Variants in SLC9A9 observed in about 807,000 individuals in gnomAD.
SLC9A9 encodes solute carrier family 9 member A9.
A neutral mutation model predicts 77.8 loss-of-function variants in SLC9A9; 62 were observed. The observed-to-expected ratio is 0.80, with a 90% confidence interval of 0.65 to 0.98. SLC9A9 has a LOEUF of 0.98. Ranked by LOEUF, SLC9A9 falls within the 50% of genes least tolerant of loss-of-function variation. SLC9A9 has a pLI of 0.00. For synonymous variants in SLC9A9, 320 were observed against 283.5 expected, an observed-to-expected ratio of 1.13 and a Z score of -1.29; for missense variants, 775 against 774.9, an observed-to-expected ratio of 1.00 and a Z score of 0.00.
intron 12 of SLC9A9, among the ~76,000 whole-genome samples, chr3:143,399,613 C>A (rs989175676): frequency 6.6e-6 from 1 of 152,086 alleles, no homozygotes; most frequent in African/African-American, 2.4e-5. Context: ...ATGAAGACTA[C>A]GGAAAGTGCA....
intron 12 of SLC9A9, among the ~76,000 whole-genome samples, chr3:143,429,766 G>A (rs879268877): frequency 9.2e-5 from 14 of 151,962 alleles, no homozygotes; most frequent in Non-Finnish European, 1.6e-4. Flanking sequence ...TCCTCAGAGC[G>A]TGTGTAGGAT....
At chr3:143,672,323 A>C (rs913161678) in intron 5 of SLC9A9, among the ~76,000 whole-genome samples, 3 of 152,216 alleles carry the variant, frequency 2.0e-5, no homozygotes, top group Admixed American at 6.5e-5. Flanking sequence ...GAGGGCCAGA[A>C]GGTGAAAAAG....
chr3:143,848,135 T>C lies in SLC9A9; in HGVS notation c.175+13A>G, dbSNP rs1190983205. The C allele has an allele frequency of 6.2e-7, 1 of 1,610,838 alleles. No homozygotes were observed. Among genetic ancestry groups the C allele is most frequent in the Admixed American group, 1.7e-5 (1 of 59,996 alleles). On this transcript the variant is annotated intron_variant, in intron 1 of 15. Coordinates refer to ENST00000316549, the MANE Select transcript of SLC9A9 (RefSeq NM_173653.4). ...AACAAGTTTCACATCAATCTCACAA[T>C]TTATGCACTCACCATACACCATTGC...
intron 5 of SLC9A9, among the ~76,000 whole-genome samples, chr3:143,689,054 G>C (rs1024179916): frequency 6.6e-6 from 1 of 151,756 alleles, no homozygotes; most frequent in African/African-American, 2.4e-5. Context: ...CATGCTATAG[G>C]GATATATAAA....
chr3:143,577,757 C>A (rs1331132246), intron 7 of SLC9A9, among the ~76,000 whole-genome samples: 1 of 152,232 alleles, frequency 6.6e-6, no homozygotes, highest in Non-Finnish European at 1.5e-5. Context: ...CTTCTCTTTG[C>A]CTGGGGCCTT....
intron 12 of SLC9A9, among the ~76,000 whole-genome samples, chr3:143,441,677 C>T (rs572545585): frequency 2.0e-5 from 3 of 152,006 alleles, no homozygotes; most frequent in Non-Finnish European, 4.4e-5. Context: ...TTGAAGTGAT[C>T]AATGTGTGCT....
intron 13 of SLC9A9, among the ~76,000 whole-genome samples, chr3:143,367,930 T>C (rs2032955102): frequency 6.6e-6 from 1 of 152,178 alleles, no homozygotes; most frequent in African/African-American, 2.4e-5. Flanking sequence ...AGTTACAACA[T>C]TTTAGTAATA....
Position 143,578,727 on chromosome 3 carries a change from A to G in SLC9A9, c.756-4T>C, listed in dbSNP as rs750798020. 49 of 1,613,836 alleles carry G rather than the reference A, an allele frequency of 3.0e-5. No homozygotes were observed. The South Asian group carries it at 3.5e-4, about 12-fold the overall frequency. ...GGGACTGTAAATGGATATAGAACTG[A>G]AAAGAGAAGAGGGTGGAGGTTAGTT... On this transcript the variant is annotated splice_polypyrimidine_tract_variant and splice_region_variant and intron_variant, in intron 6 of 15. Coordinates refer to ENST00000316549, the MANE Select transcript of SLC9A9 (RefSeq NM_173653.4).
intron 8 of SLC9A9, 79 bp downstream of exon 8, chr3:143,574,009 G>T (rs2037313550): frequency 8.1e-7 from 1 of 1,240,768 alleles, no homozygotes; most frequent in Non-Finnish European, 1.2e-6. Flanking sequence ...TTCACCTCCT[G>T]CTAGGTCAGG....
chr3:143,597,289 G>GGGCTC (rs963332029), intron 6 of SLC9A9, among the ~76,000 whole-genome samples: 1 of 152,176 alleles, frequency 6.6e-6, no homozygotes, highest in African/African-American at 2.4e-5. Flanking sequence ...AGCTCTTGGG[G>GGGCTC]GGCTCGGCTC....
At chr3:143,320,464 G>A (rs927927745) in intron 14 of SLC9A9, among the ~76,000 whole-genome samples, 23 of 152,354 alleles carry the variant, frequency 1.5e-4, no homozygotes, top group African/African-American at 5.5e-4. Flanking sequence ...TCTGCAGGCT[G>A]TCCAGAAGGC....
intron 3 of SLC9A9, among the ~76,000 whole-genome samples, chr3:143,796,337 T>C (rs975307303): frequency 6.6e-6 from 1 of 152,200 alleles, no homozygotes; most frequent in Non-Finnish European, 1.5e-5. Context: ...TCATCCAGAA[T>C]AATGCTGTCC....
intron 8 of SLC9A9, among the ~76,000 whole-genome samples, chr3:143,569,597 A>AT (rs983599819): frequency 6.6e-6 from 1 of 151,928 alleles, no homozygotes; most frequent in African/African-American, 2.4e-5. Context: ...CTTTTTTATT[A>AT]TTTTTTAGGC....
chr3:143,633,978 G>A (rs1430591810), intron 6 of SLC9A9, among the ~76,000 whole-genome samples: 2 of 152,132 alleles, frequency 1.3e-5, no homozygotes, highest in East Asian at 3.8e-4. Context: ...CTTTATATTG[G>A]AGGAACAATC....
chr3:143,598,150 T>A (rs1343629392), intron 6 of SLC9A9, among the ~76,000 whole-genome samples: 1 of 152,044 alleles, frequency 6.6e-6, no homozygotes, highest in Non-Finnish European at 1.5e-5. Flanking sequence ...AAATCCAGTA[T>A]AAGGGACACA....
In SLC9A9 at chr3:143,493,731, A is replaced by G; in HGVS notation, c.1237T>C (p.Tyr413His). 1 of 1,614,136 alleles carries G rather than the reference A, an allele frequency of 6.2e-7. No homozygotes were observed. Among genetic ancestry groups the G allele is most frequent in the South Asian group, 1.1e-5 (1 of 91,086 alleles). ...AIFVARACNI[Y>H]PLSFLLNLGR... The stretch of plus-strand genomic sequence containing the variant: ...AGATTCAGGAGGAAGGAGAGGGGAT[A>G]TATGTTGCAGGCTCTGGCAACAAAA... Residue 413 changes from tyrosine to histidine, a missense_variant, in exon 11 of 16, where the codon TAT (tyrosine) becomes CAT (histidine). Physicochemically the swap from Tyr to His is moderately conservative, Grantham distance 83 (BLOSUM62 2). Transcript: ENST00000316549.
intron 6 of SLC9A9, among the ~76,000 whole-genome samples, chr3:143,631,641 G>T (rs1452322924): frequency 6.6e-6 from 1 of 151,984 alleles, no homozygotes; most frequent in African/African-American, 2.4e-5. Context: ...CATAGCAAAT[G>T]GTCCCTAGGC....
In SLC9A9 at chr3:143,652,303, A is replaced by G. The variant is rs113649536; in HGVS notation, c.707T>C (p.Leu236Ser). The G allele has an allele frequency of 6.9e-4, 1,120 of 1,613,424 alleles. 11 individuals carry two copies. The African/African-American group carries it at 0.014, about 19-fold the overall frequency. ...LHVDPDLYTL[L>S]FGESVLNDAV... ...ATCATTCAACACACTCTCTCCAAAC[A>G]AGAGTGTGTACAGGTCAGGGTCGAC... The change falls in exon 6 of 16, where the codon TTG becomes TCG. Residue 236 changes from leucine to serine, a missense_variant. Physicochemically the swap from Leu to Ser is moderately radical, Grantham distance 145 (BLOSUM62 -2). Transcript: ENST00000316549.
At chr3:143,398,831 T>C (rs950881567) in intron 12 of SLC9A9, among the ~76,000 whole-genome samples, 6 of 152,202 alleles carry the variant, frequency 3.9e-5, no homozygotes, top group Non-Finnish European at 7.4e-5. Context: ...TTGCCAAAAC[T>C]ATTGTTTAAG....
Sources: allele counts gnomAD v4.1 joint callset (sites outside exome capture counted in the v4.1 genomes callset), GRCh38; gene constraint gnomAD v4.1.1; transcripts MANE v1.5; gene names NCBI Gene and HGNC (gene_info 2026-07-23, HGNC 2026-07-21).